Variants in SPATS2L observed in about 807,000 individuals in gnomAD.
SPATS2L encodes the protein SPATS2-like protein.
Under a neutral mutation model 59.6 loss-of-function variants are expected in SPATS2L, and 30 were observed. That is an observed-to-expected ratio of 0.50 (90% CI 0.38 to 0.68). SPATS2L has a LOEUF of 0.68. Ranked by LOEUF, SPATS2L falls within the 30% of genes least tolerant of loss-of-function variation. SPATS2L has a pLI of 0.00. For synonymous variants in SPATS2L, 252 were observed against 263.5 expected (o/e 0.96, Z 0.42); for missense variants, 615 against 700.0 (o/e 0.88, Z 1.37).
chr2:200,385,817 C>T (rs538781956), intron 2 of SPATS2L, among the ~76,000 whole-genome samples: 12 of 152,152 alleles, frequency 7.9e-5, no homozygotes, highest in Admixed American at 6.5e-4. Flanking sequence ...CTCAGCCTCC[C>T]GAGTAGCTGG....
intron 1 of SPATS2L, among the ~76,000 whole-genome samples, chr2:200,323,386 T>C (rs140902974): frequency 2.6e-3 from 391 of 152,358 alleles, no homozygotes; most frequent in Middle Eastern, 0.01. Flanking sequence ...GCTTGAGCCA[T>C]TATACCATTT....
At chr2:200,434,666 C>CT (rs1209030774) in intron 6 of SPATS2L, among the ~76,000 whole-genome samples, 3 of 151,982 alleles carry the variant, frequency 2.0e-5, no homozygotes, top group African/African-American at 7.2e-5. Flanking sequence ...GCACAAGACT[C>CT]TAAGAACTAT....
chr2:200,440,467 T>C (rs180885074), intron 7 of SPATS2L, among the ~76,000 whole-genome samples, 182 bp from the exon 8 acceptor site: 110 of 152,260 alleles, frequency 7.2e-4, no homozygotes, highest in African/African-American at 2.6e-3. Context: ...GGTGAAATCA[T>C]AACAGCCTCA....
chr2:200,307,060 T>A, intron 1 of SPATS2L, 138 bp downstream of exon 1: 1 of 723,838 alleles, frequency 1.4e-6, no homozygotes, highest in Non-Finnish European at 1.7e-6. Flanking sequence ...CTCCGCCGCC[T>A]CCCGGAGCGC....
At chr2:200,375,221 A>G (rs1288171393) in intron 2 of SPATS2L, among the ~76,000 whole-genome samples, 2 of 152,216 alleles carry the variant, frequency 1.3e-5, no homozygotes, top group East Asian at 1.9e-4. Flanking sequence ...TTACGTGGGT[A>G]TATAGGAGTG....
intron 2 of SPATS2L, among the ~76,000 whole-genome samples, chr2:200,373,904 A>C (rs2081513334): frequency 6.6e-6 from 1 of 152,240 alleles, no homozygotes; most frequent in South Asian, 2.1e-4. Context: ...AGAACCATGT[A>C]ACCAAAAATG....
intron 1 of SPATS2L, among the ~76,000 whole-genome samples, chr2:200,311,324 T>C (rs1335694400): frequency 6.6e-6 from 1 of 152,208 alleles, no homozygotes; most frequent in East Asian, 1.9e-4. Flanking sequence ...TCTCCATTCA[T>C]CAACTGTGAG....
At chr2:200,306,949 G>A in intron 1 of SPATS2L, 27 bp downstream of exon 1, 1 of 982,866 alleles carries the variant, frequency 1.0e-6, no homozygotes, top group Non-Finnish European at 1.2e-6. Context: ...CTCCACGCCG[G>A]GCCGGCTGGG....
chr2:200,440,648 G>A lies in SPATS2L; in HGVS notation c.653-1G>A. ...ATAATATTTTTTGACATCAATTTTA[G>A]GCCCAAATATTGAGAAATCAGTGAA... On this transcript the variant is annotated splice_acceptor_variant, in intron 7 of 12. Transcript: ENST00000409140. LOFTEE classifies it high-confidence loss of function. 1 of 1,611,000 alleles carries A rather than the reference G, an allele frequency of 6.2e-7. No individual in the cohort carries two copies. The highest frequency in any genetic ancestry group is 8.5e-7 in the Non-Finnish European group (1 of 1,178,188).
chr2:200,309,870 G>A (rs562275506), intron 1 of SPATS2L, among the ~76,000 whole-genome samples: 133 of 152,232 alleles, frequency 8.7e-4, no homozygotes, highest in African/African-American at 3.2e-3. Flanking sequence ...ATGTAAATAG[G>A]CCATATGTTG....
chr2:200,321,335 C>T (rs2079553394), intron 1 of SPATS2L, among the ~76,000 whole-genome samples: 1 of 152,064 alleles, frequency 6.6e-6, no homozygotes, highest in East Asian at 1.9e-4. Flanking sequence ...ACTCTCTAAA[C>T]CTTAATTTCT....
At position 200,354,388 on chromosome 2, in the gene SPATS2L, T is replaced by C. The variant is rs534310322; in HGVS notation, c.-23+24908T>C. On this transcript the variant is annotated intron_variant, in intron 2 of 12. Coordinates refer to ENST00000409140, the MANE Select transcript of SPATS2L (RefSeq NM_001100423.2). Reference sequence around the variant, plus strand: ...CTTTGGAAGACCGAGGTGGGAGGACTGCTTGAGGCCGAGAGTTTGAGACCA... The same window carrying C: ...CTTTGGAAGACCGAGGTGGGAGGACCGCTTGAGGCCGAGAGTTTGAGACCA... Among the ~76,000 whole-genome samples, 335 of 152,250 alleles carry C rather than the reference T, an allele frequency of 2.2e-3. 1 individual carries two copies. Among genetic ancestry groups the C allele is most frequent in the African/African-American group, 7.1e-3 (297 of 41,550 alleles).
At chr2:200,413,454 C>G (rs543655076) in intron 4 of SPATS2L, among the ~76,000 whole-genome samples, 1 of 152,208 alleles carries the variant, frequency 6.6e-6, no homozygotes, top group Non-Finnish European at 1.5e-5. Context: ...AAATTATCCT[C>G]TTCTAATCAA....
At chr2:200,371,410 G>A (rs1445603242) in intron 2 of SPATS2L, among the ~76,000 whole-genome samples, 1 of 152,178 alleles carries the variant, frequency 6.6e-6, no homozygotes, top group Admixed American at 6.6e-5. Flanking sequence ...TTCATGGAAG[G>A]CAGTTGCCTC....
chr2:200,472,803 T>C (rs1430945831), intron 11 of SPATS2L, 29 bp from the exon 12 acceptor site: 11 of 1,595,248 alleles, frequency 6.9e-6, no homozygotes, highest in Non-Finnish European at 9.5e-6. Context: ...GAGGTGCAGC[T>C]CGTAACACTG....
chr2:200,316,241 A>G (rs1412013929), intron 1 of SPATS2L, among the ~76,000 whole-genome samples: 3 of 152,090 alleles, frequency 2.0e-5, no homozygotes, highest in Non-Finnish European at 4.4e-5. Context: ...TGTCTTCTCT[A>G]GTGGTGGTTT....
intron 5 of SPATS2L, among the ~76,000 whole-genome samples, chr2:200,417,558 A>G (rs368054878): frequency 2.6e-5 from 4 of 152,180 alleles, no homozygotes; most frequent in African/African-American, 9.6e-5. Context: ...TGCAGACCCA[A>G]CTCATTACTG....
At chr2:200,404,958 T>C (rs1441635602) in intron 3 of SPATS2L, among the ~76,000 whole-genome samples, 1 of 152,216 alleles carries the variant, frequency 6.6e-6, no homozygotes, top group Non-Finnish European at 1.5e-5. Context: ...CTTGTGATTA[T>C]ACTGGACCCA....
intron 2 of SPATS2L, among the ~76,000 whole-genome samples, chr2:200,351,670 T>G (rs2080734784): frequency 6.6e-6 from 1 of 152,186 alleles, no homozygotes. Context: ...AAAAATTTTT[T>G]TATTCACTCC....
Sources: allele counts gnomAD v4.1 joint callset (sites outside exome capture counted in the v4.1 genomes callset), GRCh38; gene constraint gnomAD v4.1.1; transcripts MANE v1.5; gene names NCBI Gene and HGNC (gene_info 2026-07-23, HGNC 2026-07-21).